The following DCP1A variants were observed in gnomAD, a reference collection of about 807,000 sequenced individuals.
DCP1A encodes the protein mRNA-decapping enzyme 1A.
Under a neutral mutation model 58.0 loss-of-function variants are expected in DCP1A, and 20 were observed. The ratio of observed to expected loss-of-function variants is 0.34; its 90% CI spans 0.24 to 0.50. DCP1A has a LOEUF of 0.50. Ranked by LOEUF, DCP1A falls within the 20% of genes least tolerant of loss-of-function variation. The pLI, the probability that DCP1A is intolerant of heterozygous loss-of-function variation, is 0.98. For missense variants in DCP1A, 613 were observed against 712.2 expected (o/e 0.86, Z 1.59); for synonymous variants, 285 against 275.1 (o/e 1.04, Z -0.36).
chr3:53,292,071 G>T lies in DCP1A; in HGVS notation c.1381C>A (p.Gln461Lys). 1 of 1,601,986 alleles carries T rather than the reference G, an allele frequency of 6.2e-7. No individual in the cohort carries two copies. Among genetic ancestry groups the T allele is most frequent in the Non-Finnish European group, 8.5e-7 (1 of 1,173,184 alleles). ...SLSNMVLAPL[Q>K]SMQQNQDPEV... is the part of the protein sequence containing the mutation. ...CACCCCCACCCTCCTGCCATTACCT[G>T]AAGGGGAGCAAGCACCATGTTGCTC... The change falls in exon 7 of 10, where the codon CAG becomes AAG. Residue 461 changes from glutamine to lysine, a missense_variant and splice_region_variant. Physicochemically the swap from Gln to Lys is moderately conservative, Grantham distance 53 (BLOSUM62 1). Transcript: ENST00000610213.
intron 3 of DCP1A, among the ~76,000 whole-genome samples, chr3:53,331,354 T>TCA (rs2088995607): frequency 6.6e-6 from 1 of 152,194 alleles, no homozygotes; most frequent in South Asian, 2.1e-4. Context: ...AAATGCTGCT[T>TCA]TGGTCAGTGA....
chr3:53,344,821 A>T, intron 2 of DCP1A, 81 bp downstream of exon 2: 1 of 1,098,198 alleles, frequency 9.1e-7, no homozygotes, highest in Non-Finnish European at 1.4e-6. Flanking sequence ...TTCCAAAGAC[A>T]AATGTACAAG....
intron 5 of DCP1A, among the ~76,000 whole-genome samples, chr3:53,306,541 A>AC (rs1388322093): frequency 6.6e-6 from 1 of 151,934 alleles, no homozygotes; most frequent in Non-Finnish European, 1.5e-5. Flanking sequence ...ACATAGTGAG[A>AC]CCCCATCTCT....
At chr3:53,290,500 G>A (rs116075692) in intron 8 of DCP1A, 406 of 565,618 alleles carry the variant, frequency 7.2e-4, no homozygotes, top group African/African-American at 6.7e-3. Flanking sequence ...GCCAGGACGG[G>A]GTGGGAGAGG....
intron 3 of DCP1A, among the ~76,000 whole-genome samples, chr3:53,320,833 T>C (rs1465702847): frequency 1.3e-5 from 2 of 152,238 alleles, no homozygotes; most frequent in Non-Finnish European, 1.5e-5. Flanking sequence ...TTCTACAATG[T>C]TGTAATTTCA....
chr3:53,324,685 A>G (rs950366848), intron 3 of DCP1A, among the ~76,000 whole-genome samples: 7 of 152,194 alleles, frequency 4.6e-5, no homozygotes, highest in African/African-American at 1.7e-4. Context: ...GTGACTGCTA[A>G]CAGCTATCCT....
chr3:53,292,667 A>G lies in DCP1A; in HGVS notation c.785T>C (p.Phe262Ser). 1.9e-6 allele frequency: 3 copies of G among 1,613,746 alleles called. No individual in the cohort carries two copies. The highest frequency in any genetic ancestry group is 2.5e-6 in the Non-Finnish European group (3 of 1,179,814). The change falls in exon 7 of 10, where the codon TTT (phenylalanine) becomes TCT (serine). Residue 262 changes from phenylalanine to serine, a missense_variant. By Grantham distance (155) the Phe-to-Ser change is radical (BLOSUM62 -2). Coordinates refer to ENST00000610213, the MANE Select transcript of DCP1A (RefSeq NM_018403.7). ...TTGAGGGGCTCCTCCTAACTGCTCA[A>G]AGGGAAATGGTAGGAATGAATTGGG... ...KEPNSFLPFP[F>S]EQLGGAPQSE...
chr3:53,336,187 T>A (rs1553691900), intron 3 of DCP1A, among the ~76,000 whole-genome samples: 1 of 152,232 alleles, frequency 6.6e-6, no homozygotes, highest in Non-Finnish European at 1.5e-5. Flanking sequence ...CACTGCAACC[T>A]CTGCCTCCCG....
chr3:53,340,349 T>C (rs1417035092), intron 3 of DCP1A, among the ~76,000 whole-genome samples: 2 of 152,190 alleles, frequency 1.3e-5, no homozygotes, highest in Non-Finnish European at 2.9e-5. Flanking sequence ...GTCTAATATG[T>C]CCACAGAATT....
chr3:53,292,213 C>T lies in DCP1A; in HGVS notation c.1239G>A (p.Gly413=), dbSNP rs1553686106. The stretch of plus-strand genomic sequence containing the variant: ...AAAAGCTGGCTACCATTGCACCTTT[C>T]CCAAGTGGTTGTGTCTGTATTTGGT... ...QHDQIQTQPL[G]KGAMVASFSP... is the part of the protein sequence containing the mutation. Residue 413 remains glycine, a synonymous_variant, in exon 7 of 10, where the codon GGG becomes GGA. Coordinates refer to ENST00000610213, the MANE Select transcript of DCP1A (RefSeq NM_018403.7). 6.2e-7 allele frequency: 1 copy of T among 1,614,028 alleles called. No homozygotes were observed.
At chr3:53,330,002 T>A (rs976364693) in intron 3 of DCP1A, among the ~76,000 whole-genome samples, 13 of 152,290 alleles carry the variant, frequency 8.5e-5, no homozygotes, top group Admixed American at 2.6e-4. Flanking sequence ...ATATACTCTT[T>A]CCCAACAATG....
At chr3:53,296,007 C>G (rs1707113508) in intron 6 of DCP1A, among the ~76,000 whole-genome samples, 1 of 152,074 alleles carries the variant, frequency 6.6e-6, no homozygotes, top group South Asian at 2.1e-4. Flanking sequence ...ATTCTTATGC[C>G]TCAGCCTCCT....
At chr3:53,304,064 C>T (rs1707391546) in intron 6 of DCP1A, 113 bp downstream of exon 6, 3 of 718,832 alleles carry the variant, frequency 4.2e-6, no homozygotes, top group South Asian at 1.9e-5. Flanking sequence ...CATTATGTTG[C>T]TGCACATTTG....
At chr3:53,305,652 A>G (rs1239969974) in intron 5 of DCP1A, among the ~76,000 whole-genome samples, 1 of 152,096 alleles carries the variant, frequency 6.6e-6, no homozygotes, top group South Asian at 2.1e-4. Flanking sequence ...GTGCCTGGCA[A>G]AATTTGTTTC....
intron 3 of DCP1A, among the ~76,000 whole-genome samples, chr3:53,334,788 CAT>C (rs1262520318): frequency 1.3e-5 from 2 of 152,204 alleles, no homozygotes; most frequent in Admixed American, 6.5e-5. Flanking sequence ...TCAATAGACA[CAT>C]GTGGCTACTG....
chr3:53,290,380 A>T (rs1553685780), intron 8 of DCP1A, among the ~76,000 whole-genome samples: 1 of 152,022 alleles, frequency 6.6e-6, no homozygotes, highest in African/African-American at 2.4e-5. Context: ...CTTAGCAGTC[A>T]CCCATTCACA....
intron 3 of DCP1A, among the ~76,000 whole-genome samples, chr3:53,341,232 A>G (rs2089197507): frequency 6.6e-6 from 1 of 152,120 alleles, no homozygotes; most frequent in South Asian, 2.1e-4. Flanking sequence ...AGGCAGGCAG[A>G]TCACAAGGTC....
chr3:53,311,169 T>C (rs1707632454), intron 5 of DCP1A, among the ~76,000 whole-genome samples: 1 of 152,236 alleles, frequency 6.6e-6, no homozygotes, highest in Non-Finnish European at 1.5e-5. Flanking sequence ...ACTTAGTAGC[T>C]GGTATTATAG....
chr3:53,344,837 T>C, intron 2 of DCP1A, 65 bp downstream of exon 2: 1 of 1,226,960 alleles, frequency 8.2e-7, no homozygotes, highest in East Asian at 2.4e-5. Flanking sequence ...ACAAGAGAAT[T>C]GAACCGTTTC....
Sources: gnomAD v4.1 joint callset for allele counts (sites outside exome capture counted in the v4.1 genomes callset) on GRCh38, gnomAD v4.1.1 for gene constraint, MANE v1.5 for transcripts, NCBI Gene and HGNC (gene_info 2026-07-23, HGNC 2026-07-21) for gene names.